The following FHIT variants were observed in gnomAD, a reference collection of about 807,000 sequenced individuals.
FHIT encodes bis(5'-adenosyl)-triphosphatase.
FHIT carries 19 observed loss-of-function variants against 17.9 expected under a neutral mutation model. The ratio of observed to expected loss-of-function variants is 1.06; its 90% CI spans 0.74 to 1.56. The LOEUF (loss-of-function observed/expected upper bound fraction) is 1.56. FHIT is among the 40% of genes most tolerant of loss of function. FHIT has a pLI of 0.00. For missense variants in FHIT, 248 were observed against 189.2 expected, an observed-to-expected ratio of 1.31 and a Z score of -1.82; for synonymous variants, 81 against 69.7, an observed-to-expected ratio of 1.16 and a Z score of -0.81.
chr3:60,916,157 T>A (rs79365167), intron 3 of FHIT, among the ~76,000 whole-genome samples: 2 of 152,216 alleles, frequency 1.3e-5, no homozygotes, highest in Non-Finnish European at 2.9e-5. Flanking sequence ...CAGATTCTCC[T>A]ATTGCTTGGA....
chr3:59,846,532 T>G (rs377039839), intron 8 of FHIT, among the ~76,000 whole-genome samples: 2 of 152,176 alleles, frequency 1.3e-5, no homozygotes, highest in East Asian at 1.9e-4. Context: ...AAAGTTATAA[T>G]AATATTGATT....
intron 3 of FHIT, among the ~76,000 whole-genome samples, chr3:60,916,713 G>T (rs1024430749): frequency 2.6e-5 from 4 of 152,136 alleles, no homozygotes; most frequent in East Asian, 3.9e-4. Context: ...CATAACATCA[G>T]CTGGAACCCA....
chr3:60,273,133 A>G (rs1301396913), intron 5 of FHIT, among the ~76,000 whole-genome samples: 2 of 152,226 alleles, frequency 1.3e-5, no homozygotes, highest in African/African-American at 4.8e-5. Context: ...TAATTTGCTT[A>G]GACAGGAAAT....
intron 5 of FHIT, among the ~76,000 whole-genome samples, chr3:60,329,434 A>C (rs1709856013): frequency 6.6e-6 from 1 of 152,226 alleles, no homozygotes; most frequent in African/African-American, 2.4e-5. Context: ...CAGAAAAGCA[A>C]ATAGAGAATA....
At chr3:60,543,517 G>A (rs917992488) in intron 4 of FHIT, among the ~76,000 whole-genome samples, 10 of 152,096 alleles carry the variant, frequency 6.6e-5, no homozygotes, top group Non-Finnish European at 1.2e-4. Context: ...TCTTGTAATA[G>A]AGTTTTAAAT....
intron 5 of FHIT, among the ~76,000 whole-genome samples, chr3:60,264,912 C>T (rs1249541924): frequency 6.6e-6 from 1 of 151,764 alleles, no homozygotes; most frequent in Admixed American, 6.6e-5. Context: ...ATTTTAATAC[C>T]ACAGATTTTC....
chr3:61,028,074 TG>T, intron 3 of FHIT, among the ~76,000 whole-genome samples: 1 of 152,290 alleles, frequency 6.6e-6, no homozygotes, highest in East Asian at 1.9e-4. Context: ...TCACTAAGGT[TG>T]GGTTATAAAT....
chr3:60,190,594 C>T (rs1312647087), intron 5 of FHIT, among the ~76,000 whole-genome samples: 1 of 151,646 alleles, frequency 6.6e-6, no homozygotes, highest in African/African-American at 2.4e-5. Flanking sequence ...ACTAAAAATA[C>T]AACATCACTG....
intron 5 of FHIT, among the ~76,000 whole-genome samples, chr3:60,129,042 C>CCTTTT (rs1553692314): frequency 8.8e-6 from 1 of 113,012 alleles, no homozygotes; most frequent in African/African-American, 3.4e-5. Context: ...TTCTTCTTTC[C>CCTTTT]TTTTTTGTTT....
chr3:60,774,665 C>A (rs897567138), intron 4 of FHIT, among the ~76,000 whole-genome samples: 1 of 152,106 alleles, frequency 6.6e-6, no homozygotes, highest in South Asian at 2.1e-4. Flanking sequence ...AAAGTAGATG[C>A]CAGCATCACT....
chr3:60,694,099 T>G (rs2041057986), intron 4 of FHIT, among the ~76,000 whole-genome samples: 1 of 152,190 alleles, frequency 6.6e-6, no homozygotes, highest in Admixed American at 6.5e-5. Context: ...CAAAGAATAC[T>G]GAGGAAATTA....
intron 5 of FHIT, among the ~76,000 whole-genome samples, chr3:60,325,743 G>A (rs1193001928): frequency 6.6e-6 from 1 of 152,214 alleles, no homozygotes; most frequent in South Asian, 2.1e-4. Context: ...GGACACTTCA[G>A]AATAAAATTC....
At chr3:60,170,788 G>A (rs962643781) in intron 5 of FHIT, among the ~76,000 whole-genome samples, 8 of 151,986 alleles carry the variant, frequency 5.3e-5, no homozygotes, top group African/African-American at 1.9e-4. Flanking sequence ...TTAGTTTTTG[G>A]CAGTTATTTA....
At chr3:59,952,438 T>C (rs547035146) in intron 7 of FHIT, among the ~76,000 whole-genome samples, 1 of 139,786 alleles carries the variant, frequency 7.2e-6, no homozygotes, top group African/African-American at 2.8e-5. Flanking sequence ...CTCCTCCCTC[T>C]CTTGTTACCA....
intron 5 of FHIT, among the ~76,000 whole-genome samples, chr3:60,230,181 C>G (rs1459487854): frequency 6.6e-6 from 1 of 152,136 alleles, no homozygotes; most frequent in Non-Finnish European, 1.5e-5. Flanking sequence ...TCACAAGAGC[C>G]ACACGCGGCC....
At chr3:60,738,615 T>C (rs1553713174) in intron 4 of FHIT, among the ~76,000 whole-genome samples, 5 of 152,206 alleles carry the variant, frequency 3.3e-5, no homozygotes, top group African/African-American at 1.2e-4. Flanking sequence ...CCTGAGACAT[T>C]GGTTCAAGTT....
Position 59,908,531 on chromosome 3 carries a change from C to T in FHIT, c.348+13815G>A, listed in dbSNP as rs905153642. Among the ~76,000 whole-genome samples, 9 of 152,190 alleles carry T rather than the reference C, an allele frequency of 5.9e-5. No individual in the cohort carries two copies. The South Asian group carries it at 6.2e-4, about 11-fold the overall frequency. The stretch of plus-strand genomic sequence containing the variant: ...CTGCAAAGAATGATGGCATTCCTTA[C>T]GGGTATCAGAATGGACCAAAGATGC... On this transcript the variant is annotated intron_variant, in intron 8 of 9. Transcript: ENST00000492590.
intron 5 of FHIT, among the ~76,000 whole-genome samples, chr3:60,028,811 G>A (rs1700861952): frequency 6.6e-6 from 1 of 152,126 alleles, no homozygotes; most frequent in Non-Finnish European, 1.5e-5. Flanking sequence ...AAGAATTTAT[G>A]ATGCAGAAGA....
chr3:60,024,770 A>C (rs1482860838), intron 5 of FHIT, among the ~76,000 whole-genome samples: 1 of 152,248 alleles, frequency 6.6e-6, no homozygotes, highest in Non-Finnish European at 1.5e-5. Context: ...CACTTGGTCT[A>C]ACTGGATCTT....
Sources: allele counts gnomAD v4.1 joint callset (sites outside exome capture counted in the v4.1 genomes callset), GRCh38; gene constraint gnomAD v4.1.1; transcripts MANE v1.5; gene names NCBI Gene and HGNC (gene_info 2026-07-23, HGNC 2026-07-21).